CARMIL1: variants seen among roughly 807,000 people sequenced by gnomAD.
CARMIL1 encodes the protein F-actin-uncapping protein LRRC16A.
A neutral mutation model predicts 177.1 loss-of-function variants in CARMIL1; 90 were observed. That is an observed-to-expected ratio of 0.51 (90% CI 0.43 to 0.61). CARMIL1 has a LOEUF of 0.61. CARMIL1 is among the 20% of genes least tolerant of loss of function. CARMIL1 has a pLI of 0.00. For synonymous variants in CARMIL1, 577 were observed against 606.2 expected, an observed-to-expected ratio of 0.95 and a Z score of 0.71; for missense variants, 1,380 against 1,667.0, an observed-to-expected ratio of 0.83 and a Z score of 3.00.
intron 2 of CARMIL1, among the ~76,000 whole-genome samples, chr6:25,317,880 A>G (rs1318387804): frequency 1.3e-5 from 2 of 152,140 alleles, no homozygotes; most frequent in African/African-American, 4.8e-5. Context: ...AGGGCTTCTA[A>G]TTCACTTTCC....
intron 36 of CARMIL1, chr6:25,612,955 G>C: frequency 1.1e-6 from 1 of 906,912 alleles, no homozygotes; most frequent in Non-Finnish European, 1.3e-6. Flanking sequence ...AAAACAAACT[G>C]TAATTGAGTG....
intron 2 of CARMIL1, among the ~76,000 whole-genome samples, chr6:25,314,881 G>A (rs529967646): frequency 1.3e-5 from 2 of 152,272 alleles, no homozygotes; most frequent in Admixed American, 1.3e-4. Context: ...AAAAATAGCA[G>A]CAAACTCTGA....
intron 2 of CARMIL1, among the ~76,000 whole-genome samples, chr6:25,293,677 C>T (rs1782167856): frequency 6.6e-6 from 1 of 151,966 alleles, no homozygotes; most frequent in Non-Finnish European, 1.5e-5. Flanking sequence ...GTCTTCCCTT[C>T]CCTTCCTCTC....
intron 25 of CARMIL1, 124 bp downstream of exon 25, chr6:25,538,107 A>G (rs2876689): frequency 4.7e-5 from 49 of 1,050,016 alleles, no homozygotes; most frequent in Non-Finnish European, 6.1e-5. Context: ...CAAGTGGCAA[A>G]GTGAACTGAA....
At chr6:25,573,188 C>T (rs1173167470) in intron 29 of CARMIL1, among the ~76,000 whole-genome samples, 1 of 152,156 alleles carries the variant, frequency 6.6e-6, no homozygotes, top group Non-Finnish European at 1.5e-5. Flanking sequence ...TCCTTTGAGC[C>T]ACTCTAGGCA....
At chr6:25,572,917 G>A (rs369964118) in intron 29 of CARMIL1, among the ~76,000 whole-genome samples, 20 of 152,090 alleles carry the variant, frequency 1.3e-4, no homozygotes, top group East Asian at 7.7e-4. Context: ...ACAATGGTTG[G>A]TACTAGTAAT....
At chr6:25,518,524 A>G (rs560940697) in intron 22 of CARMIL1, among the ~76,000 whole-genome samples, 1 of 152,302 alleles carries the variant, frequency 6.6e-6, no homozygotes, top group South Asian at 2.1e-4. Flanking sequence ...AAGGCAGCTT[A>G]GACTATCAGT....
At chr6:25,541,055 G>A (rs1808843344) in intron 26 of CARMIL1, among the ~76,000 whole-genome samples, 1 of 152,130 alleles carries the variant, frequency 6.6e-6, no homozygotes, top group Non-Finnish European at 1.5e-5. Flanking sequence ...GTAGAGTTCT[G>A]CTAGACCATT....
rs115899922 is a variant in CARMIL1 at position 25,615,817 on chromosome 6, A to G, written c.3980-3630A>G. ...TCATAGTGTTTTTCTCCTGGAAAAT[A>G]TGGATGTCAGTGGAGCTTACAATGG... On this transcript the variant is annotated intron_variant, in intron 36 of 36. Coordinates refer to ENST00000329474, the MANE Select transcript of CARMIL1 (RefSeq NM_017640.6). Among the ~76,000 whole-genome samples the G allele has an allele frequency of 6.7e-3, 1,025 of 152,280 alleles. 7 individuals carry two copies. The highest frequency in any genetic ancestry group is 0.031 in the Middle Eastern group (9 of 294).
intron 2 of CARMIL1, among the ~76,000 whole-genome samples, chr6:25,401,349 CAT>C (rs1383905801): frequency 5.3e-5 from 8 of 152,026 alleles, no homozygotes; most frequent in South Asian, 2.1e-4. Context: ...TATAGATACA[CAT>C]ATAAAATGTG....
intron 8 of CARMIL1, among the ~76,000 whole-genome samples, chr6:25,460,069 C>T (rs1799998186): frequency 6.6e-6 from 1 of 152,158 alleles, no homozygotes; most frequent in African/African-American, 2.4e-5. Context: ...GAAACCTTTC[C>T]CCTTATGTCA....
At chr6:25,460,665 G>A (rs1373258049) in intron 8 of CARMIL1, among the ~76,000 whole-genome samples, 1 of 152,202 alleles carries the variant, frequency 6.6e-6, no homozygotes, top group African/African-American at 2.4e-5. Flanking sequence ...GGTTTTACAT[G>A]TTGGTATGTG....
intron 12 of CARMIL1, among the ~76,000 whole-genome samples, chr6:25,484,848 G>A (rs796615325): frequency 9.9e-4 from 150 of 152,176 alleles, no homozygotes; most frequent in African/African-American, 3.5e-3. Context: ...TGCTCCATAG[G>A]TCTAGTTTAA....
At chr6:25,412,764 G>A (rs977326416) in intron 2 of CARMIL1, among the ~76,000 whole-genome samples, 3 of 152,106 alleles carry the variant, frequency 2.0e-5, no homozygotes, top group Non-Finnish European at 2.9e-5. Context: ...CTCTATGTGG[G>A]GTAGTGGGAA....
At chr6:25,372,512 A>G (rs757164898) in intron 2 of CARMIL1, among the ~76,000 whole-genome samples, 8 of 152,128 alleles carry the variant, frequency 5.3e-5, no homozygotes, top group Non-Finnish European at 1.0e-4. Context: ...GTTATTATAA[A>G]AGGGATTGAG....
intron 8 of CARMIL1, chr6:25,451,985 T>TCCCCCCC: frequency 9.5e-6 from 1 of 105,384 alleles, no homozygotes; most frequent in Admixed American, 1.2e-4. Flanking sequence ...ACTAGCATCT[T>TCCCCCCC]GCCCCCCCCT....
At chr6:25,593,015 C>T (rs1158330730) in intron 31 of CARMIL1, among the ~76,000 whole-genome samples, 1 of 152,200 alleles carries the variant, frequency 6.6e-6, no homozygotes, top group Non-Finnish European at 1.5e-5. Context: ...ACCAGCCTCT[C>T]TCATAAGATC....
intron 2 of CARMIL1, among the ~76,000 whole-genome samples, chr6:25,413,131 C>T (rs1795065793): frequency 6.9e-6 from 1 of 144,866 alleles, no homozygotes; most frequent in African/African-American, 2.5e-5. Context: ...TGCCTCACCA[C>T]CTGCCCTTCT....
intron 2 of CARMIL1, among the ~76,000 whole-genome samples, chr6:25,322,298 T>C (rs1447795681): frequency 6.6e-6 from 1 of 152,084 alleles, no homozygotes; most frequent in South Asian, 2.1e-4. Flanking sequence ...AATTTTTGTA[T>C]TTTTAGTAGA....
Sources: gnomAD v4.1 joint callset for allele counts (sites outside exome capture counted in the v4.1 genomes callset) on GRCh38, gnomAD v4.1.1 for gene constraint, MANE v1.5 for transcripts, NCBI Gene and HGNC (gene_info 2026-07-23, HGNC 2026-07-21) for gene names.